The following EDA variants were observed in gnomAD, a reference collection of about 807,000 sequenced individuals.
EDA encodes ectodysplasin A.
EDA carries 2 observed loss-of-function variants against 23.6 expected under a neutral mutation model. The observed-to-expected ratio is 0.08, with a 90% CI of 0.03 to 0.27. The LOEUF (loss-of-function observed/expected upper bound fraction) is 0.27, where lower values mean the gene tolerates loss of function less well. EDA is among the 10% of genes least tolerant of loss of function. The pLI is 1.00. For missense variants in EDA, 229 were observed against 324.2 expected, an observed-to-expected ratio of 0.71 and a Z score of 2.26; for synonymous variants, 131 against 132.0, an observed-to-expected ratio of 0.99 and a Z score of 0.05.
intron 1 of EDA, among the ~76,000 whole-genome samples, chrX:69,747,516 C>G (rs1234665884): frequency 3.6e-5 from 4 of 112,082 alleles, no homozygotes; most frequent in Non-Finnish European, 7.5e-5. Flanking sequence ...TGGAGTGCAA[C>G]CTATCAGATT....
intron 1 of EDA, among the ~76,000 whole-genome samples, chrX:69,772,255 C>T (rs1387099677): frequency 8.9e-6 from 1 of 111,935 alleles, no homozygotes; most frequent in Non-Finnish European, 1.9e-5. Flanking sequence ...CTACTGTACC[C>T]AGCCTATCAA....
At chrX:69,796,828 C>G (rs762000993) in intron 1 of EDA, among the ~76,000 whole-genome samples, 2 of 111,117 alleles carry the variant, frequency 1.8e-5, no homozygotes, top group Admixed American at 9.6e-5. Context: ...ACACAGAAAT[C>G]AGAAAAACAA....
chrX:69,799,654 A>T (rs1431162038), intron 1 of EDA, among the ~76,000 whole-genome samples: 1 of 105,181 alleles, frequency 9.5e-6, no homozygotes, highest in African/African-American at 3.5e-5. Flanking sequence ...CCACAATGGG[A>T]TATCATCTTA....
At chrX:69,692,388 G>A (rs1424996423) in intron 1 of EDA, among the ~76,000 whole-genome samples, 2 of 111,275 alleles carry the variant, frequency 1.8e-5, no homozygotes, top group African/African-American at 6.5e-5. Context: ...GAGTTCCCAG[G>A]GGTAACTTTC....
At chrX:69,909,336 G>A (rs986669083) in intron 1 of EDA, among the ~76,000 whole-genome samples, 3 of 112,084 alleles carry the variant, frequency 2.7e-5, no homozygotes, top group African/African-American at 9.7e-5. Context: ...TCACTCTGTT[G>A]CCCAGGCTAG....
chrX:69,695,628 G>A (rs1054039481), intron 1 of EDA, among the ~76,000 whole-genome samples: 2 of 105,428 alleles, frequency 1.9e-5, no homozygotes, highest in Non-Finnish European at 3.9e-5. Flanking sequence ...TCCTGCCTCA[G>A]CCTTCTGAAT....
chrX:69,827,437 C>A (rs1041784440), intron 1 of EDA, among the ~76,000 whole-genome samples: 9 of 111,683 alleles, frequency 8.1e-5, no homozygotes, highest in Admixed American at 2.9e-4. Flanking sequence ...CTTCTCGCTT[C>A]ATTTCATTCA....
chrX:69,819,078 TAA>T (rs1161160427), intron 1 of EDA, among the ~76,000 whole-genome samples: 1 of 112,401 alleles, frequency 8.9e-6, no homozygotes, highest in Non-Finnish European at 1.9e-5. Flanking sequence ...TGCAAATCAA[TAA>T]GTGTCATTCA....
At chrX:69,948,933 T>G (rs1452616610) in intron 1 of EDA, among the ~76,000 whole-genome samples, 1 of 111,783 alleles carries the variant, frequency 8.9e-6, no homozygotes, top group African/African-American at 3.3e-5. Flanking sequence ...ATCATGGATA[T>G]GTACCAATGA....
intron 2 of EDA, among the ~76,000 whole-genome samples, chrX:70,002,585 C>G (rs1042032676): frequency 8.9e-6 from 1 of 111,805 alleles, no homozygotes; most frequent in Non-Finnish European, 1.9e-5. Context: ...TGTATATAGT[C>G]TAGGTGAAAG....
chrX:69,980,231 C>G (rs1317002300), intron 2 of EDA, among the ~76,000 whole-genome samples: 1 of 111,548 alleles, frequency 9.0e-6, no homozygotes, highest in Non-Finnish European at 1.9e-5. Flanking sequence ...TCTCCCTCAC[C>G]CTCCTGTAAA....
chrX:69,687,308 T>C (rs1396014850), intron 1 of EDA, among the ~76,000 whole-genome samples: 1 of 109,439 alleles, frequency 9.1e-6, no homozygotes, highest in Non-Finnish European at 1.9e-5. Context: ...ATATTCTGGA[T>C]ATGAGTCTCT....
intron 1 of EDA, among the ~76,000 whole-genome samples, chrX:69,774,758 G>A (rs1283877739): frequency 9.0e-6 from 1 of 111,373 alleles, no homozygotes; most frequent in Non-Finnish European, 1.9e-5. Context: ...ATATTTGAAA[G>A]ATTAAATATA....
intron 2 of EDA, among the ~76,000 whole-genome samples, chrX:70,009,564 GGTTTT>G (rs61286017): frequency 0.21 from 22,906 of 107,253 alleles, 2,053 homozygotes; most frequent in Non-Finnish European, 0.24. Context: ...TGTTTGTTTG[GGTTTT>G]GTTTTGTTTT....
intron 1 of EDA, among the ~76,000 whole-genome samples, chrX:69,839,199 C>G (rs11094136): frequency 0.26 from 28,933 of 111,021 alleles, 2,837 homozygotes; most frequent in African/African-American, 0.32. Context: ...ATGGCTTCAA[C>G]TCACCAGGCC....
chrX:69,735,585 C>T (rs1243355232), intron 1 of EDA, among the ~76,000 whole-genome samples: 2 of 111,572 alleles, frequency 1.8e-5, no homozygotes, highest in African/African-American at 6.5e-5. Context: ...TGCGTCTGTT[C>T]TGTGCATGTA....
At chrX:69,947,934 T>C (rs1312686617) in intron 1 of EDA, among the ~76,000 whole-genome samples, 1 of 112,196 alleles carries the variant, frequency 8.9e-6, no homozygotes, top group Non-Finnish European at 1.9e-5. Context: ...TTTGCATTAA[T>C]AGTTTTATGT....
At chrX:69,729,870 C>T (rs1401569898) in intron 1 of EDA, among the ~76,000 whole-genome samples, 2 of 111,366 alleles carry the variant, frequency 1.8e-5, no homozygotes, top group Admixed American at 1.9e-4. Flanking sequence ...TTTTGGGTCT[C>T]TCTTCAAATC....
intron 1 of EDA, chrX:69,860,965 C>G (rs2017371791): frequency 1.9e-6 from 1 of 516,620 alleles, no homozygotes; most frequent in Admixed American, 2.7e-5. Context: ...GCTGTTTCAC[C>G]TGGCGTCATC....
Sources: allele counts gnomAD v4.1 joint callset (sites outside exome capture counted in the v4.1 genomes callset), GRCh38; gene constraint gnomAD v4.1.1; transcripts MANE v1.5; gene names NCBI Gene and HGNC (gene_info 2026-07-23, HGNC 2026-07-21).